SLC24A2: variants seen among roughly 807,000 people sequenced by gnomAD.
SLC24A2 encodes solute carrier family 24 member 2.
A neutral mutation model predicts 62.0 loss-of-function variants in SLC24A2; 36 were observed. That is an observed-to-expected ratio of 0.58 (90% CI 0.44 to 0.77). The LOEUF (loss-of-function observed/expected upper bound fraction) is 0.77. SLC24A2 is among the 30% of genes least tolerant of loss of function. The probability of loss-of-function intolerance (pLI) is 0.00; values close to 1 mark genes in which losing one functional copy is unlikely to be tolerated. For synonymous variants in SLC24A2, 358 were observed against 294.0 expected, an observed-to-expected ratio of 1.22 and a Z score of -2.23; for missense variants, 846 against 817.9, an observed-to-expected ratio of 1.03 and a Z score of -0.42.
At chr9:20,019,173 GA>G in the SLC24A2 span, among the ~76,000 whole-genome samples, 2 of 139,280 alleles carry the variant, frequency 1.4e-5, no homozygotes, top group East Asian at 4.2e-4. Context: ...GAGACAGAAA[GA>G]AAGAAAGAAG....
rs1564009978 is a variant in SLC24A2 at position 19,636,373 on chromosome 9, TTC to T, written c.931-14076_931-14075del. On this transcript the variant is annotated intron_variant, in intron 2 of 10. Transcript: ENST00000341998. Reference sequence around the variant, plus strand: ...TTTCTTTCTTTCTTTCTTTCTTTCTTTCTTTCTTTCTTTCTCCCTCTCTCTCT... The same window carrying T: ...TTTCTTTCTTTCTTTCTTTCTTTCTTTTTCTTTCTTTCTCCCTCTCTCTCT... 7.1e-4 allele frequency among the ~76,000 whole-genome samples: 21 copies of T among 29,602 alleles called. 2 individuals carry two copies. In the South Asian group the frequency reaches 0.031, roughly 43 times the overall value. 19.4% of individuals were successfully genotyped at this position (29,602 alleles called of 152,430 possible).
the SLC24A2 span, among the ~76,000 whole-genome samples, chr9:19,996,407 A>G: frequency 6.6e-6 from 1 of 152,170 alleles, no homozygotes; most frequent in Non-Finnish European, 1.5e-5. Context: ...ATATTTGTTA[A>G]TATATGAATA....
the SLC24A2 span, among the ~76,000 whole-genome samples, chr9:19,807,836 G>A: frequency 6.6e-6 from 1 of 152,268 alleles, no homozygotes; most frequent in Non-Finnish European, 1.5e-5. Flanking sequence ...TTTGTTCAGG[G>A]TCAGAGCCTC....
At chr9:20,059,604 A>C in the SLC24A2 span, among the ~76,000 whole-genome samples, 1,598 of 152,272 alleles carry the variant, frequency 0.01, 12 homozygotes, top group South Asian at 0.031. Flanking sequence ...GATGAATGAA[A>C]ATGAAAACAT....
the SLC24A2 span, among the ~76,000 whole-genome samples, chr9:20,185,676 A>AAAAAAG: frequency 1.3e-5 from 2 of 151,622 alleles, no homozygotes; most frequent in Non-Finnish European, 2.9e-5. Context: ...AAAAAAAAAA[A>AAAAAAG]AAAAGAAAAG....
intron 2 of SLC24A2, among the ~76,000 whole-genome samples, chr9:19,684,649 CTTTCATTACGAAAGACAAATTG>C (rs1819825866): frequency 1.3e-5 from 2 of 152,028 alleles, no homozygotes; most frequent in South Asian, 4.1e-4. Context: ...GAATTTGGGT[CTTTCATTACGAAAGACAAATTG>C]TGAAGAAAGT....
the SLC24A2 span, among the ~76,000 whole-genome samples, chr9:20,276,404 T>C: frequency 6.6e-6 from 1 of 152,230 alleles, no homozygotes; most frequent in Non-Finnish European, 1.5e-5. Context: ...TTGGTCACGC[T>C]GATGCAAGAG....
the SLC24A2 span, among the ~76,000 whole-genome samples, chr9:19,945,132 C>T: frequency 5.3e-5 from 8 of 152,106 alleles, no homozygotes; most frequent in African/African-American, 1.2e-4. Context: ...GTGTCCTATA[C>T]GAGCATAAAA....
chr9:19,725,279 T>C (rs1821138793), intron 2 of SLC24A2, among the ~76,000 whole-genome samples: 2 of 152,184 alleles, frequency 1.3e-5, no homozygotes, highest in Admixed American at 6.5e-5. Flanking sequence ...TCCTGCACAC[T>C]GTACATCTGG....
At chr9:20,239,620 G>C in the SLC24A2 span, among the ~76,000 whole-genome samples, 2 of 152,190 alleles carry the variant, frequency 1.3e-5, no homozygotes, top group Admixed American at 1.3e-4. Flanking sequence ...TTGGAAAGGA[G>C]TACATGAGAA....
At chr9:19,685,735 C>A (rs1450395224) in intron 2 of SLC24A2, among the ~76,000 whole-genome samples, 2 of 152,108 alleles carry the variant, frequency 1.3e-5, no homozygotes, top group Non-Finnish European at 2.9e-5. Context: ...AAGACTGAAA[C>A]TGGGTCCCTT....
the SLC24A2 span, among the ~76,000 whole-genome samples, chr9:19,825,985 T>C: frequency 6.6e-6 from 1 of 152,054 alleles, no homozygotes; most frequent in Non-Finnish European, 1.5e-5. Flanking sequence ...ATGGGTTAAA[T>C]TGTTGATGTA....
the SLC24A2 span, among the ~76,000 whole-genome samples, chr9:19,826,485 A>G: frequency 6.6e-6 from 1 of 152,202 alleles, no homozygotes; most frequent in Non-Finnish European, 1.5e-5. Context: ...TGGGTAATTT[A>G]TAAACAACAG....
At chr9:20,095,185 A>G in the SLC24A2 span, among the ~76,000 whole-genome samples, 1 of 152,214 alleles carries the variant, frequency 6.6e-6, no homozygotes, top group Admixed American at 6.6e-5. Context: ...TATCCTATCT[A>G]TGTTAACATG....
the SLC24A2 span, among the ~76,000 whole-genome samples, chr9:20,195,819 T>G: frequency 6.9e-6 from 1 of 144,640 alleles, no homozygotes; most frequent in Non-Finnish European, 1.5e-5. Context: ...AAAAAAACCT[T>G]ACCCATTATA....
the SLC24A2 span, among the ~76,000 whole-genome samples, chr9:20,028,994 T>C: frequency 6.6e-6 from 1 of 152,212 alleles, no homozygotes; most frequent in South Asian, 2.1e-4. Flanking sequence ...CCTGGATTTA[T>C]TGTGGAGGCT....
chr9:19,878,869 C>T, the SLC24A2 span, among the ~76,000 whole-genome samples: 1 of 152,052 alleles, frequency 6.6e-6, no homozygotes, highest in Non-Finnish European at 1.5e-5. Context: ...AATATAATCT[C>T]CTTCCCCTTC....
At chr9:20,108,333 C>T in the SLC24A2 span, among the ~76,000 whole-genome samples, 1 of 152,116 alleles carries the variant, frequency 6.6e-6, no homozygotes, top group African/African-American at 2.4e-5. Context: ...TTTGACCCAG[C>T]CATCCCATTA....
At chr9:19,969,740 A>G in the SLC24A2 span, among the ~76,000 whole-genome samples, 1 of 152,184 alleles carries the variant, frequency 6.6e-6, no homozygotes, top group Admixed American at 6.5e-5. Context: ...AATTCACATA[A>G]TTACTTCAAA....
Sources: gnomAD v4.1 joint callset for allele counts (sites outside exome capture counted in the v4.1 genomes callset) on GRCh38, gnomAD v4.1.1 for gene constraint, MANE v1.5 for transcripts, NCBI Gene and HGNC (gene_info 2026-07-23, HGNC 2026-07-21) for gene names.